The following SYNE2 variants were observed in gnomAD, a reference collection of about 807,000 sequenced individuals.
SYNE2 encodes spectrin repeat containing nuclear envelope protein 2.
Under a neutral mutation model 856.3 loss-of-function variants are expected in SYNE2, and 431 were observed. That is an observed-to-expected ratio of 0.50 (90% CI 0.47 to 0.55). SYNE2 has a LOEUF of 0.55. Ranked by LOEUF, SYNE2 falls within the 20% of genes least tolerant of loss-of-function variation. The pLI, the probability that SYNE2 is intolerant of heterozygous loss-of-function variation, is 0.00. For synonymous variants in SYNE2, 2,923 were observed against 2,872.3 expected, an observed-to-expected ratio of 1.02 and a Z score of -0.56; for missense variants, 8,129 against 8,023.2, an observed-to-expected ratio of 1.01 and a Z score of -0.50.
chr14:63,973,450 G>A (rs1337617473), intron 11 of SYNE2, among the ~76,000 whole-genome samples: 1 of 151,114 alleles, frequency 6.6e-6, no homozygotes, highest in Non-Finnish European at 1.5e-5. Context: ...TGGTCAACAT[G>A]GTGAAACCTC....
At chr14:64,007,452 C>T (rs991775753) in intron 31 of SYNE2, among the ~76,000 whole-genome samples, 7 of 152,214 alleles carry the variant, frequency 4.6e-5, no homozygotes, top group African/African-American at 1.4e-4. Context: ...ATACACAGTA[C>T]AGTCCGTTTA....
At chr14:63,825,394 A>G (rs1380941092) in intron 1 of SYNE2, among the ~76,000 whole-genome samples, 3 of 152,204 alleles carry the variant, frequency 2.0e-5, no homozygotes, top group African/African-American at 4.8e-5. Flanking sequence ...TGTGTTTACC[A>G]AGGTTGCAAG....
At chr14:64,096,064 C>T (rs1450570812) in intron 61 of SYNE2, among the ~76,000 whole-genome samples, 1 of 152,208 alleles carries the variant, frequency 6.6e-6, no homozygotes, top group African/African-American at 2.4e-5. Flanking sequence ...GAACAGCCCT[C>T]ACCAGACACC....
intron 1 of SYNE2, among the ~76,000 whole-genome samples, chr14:63,893,080 C>A (rs2095172242): frequency 6.6e-6 from 1 of 151,198 alleles, no homozygotes; most frequent in Admixed American, 6.6e-5. Flanking sequence ...TTTGGGGCAG[C>A]CAAAGTGAAA....
chr14:63,885,266 A>G (rs1449433466), intron 1 of SYNE2, among the ~76,000 whole-genome samples: 1 of 152,062 alleles, frequency 6.6e-6, no homozygotes, highest in Non-Finnish European at 1.5e-5. Context: ...CTGCTTTGCA[A>G]CTCAACTTTC....
chr14:63,960,659 C>T, intron 8 of SYNE2: 1 of 661,080 alleles, frequency 1.5e-6, no homozygotes, highest in South Asian at 1.6e-5. Context: ...AGAAACACCT[C>T]CAAATTAGGT....
intron 84 of SYNE2, among the ~76,000 whole-genome samples, chr14:64,150,889 G>A (rs545303233): frequency 6.6e-6 from 1 of 152,148 alleles, no homozygotes; most frequent in Non-Finnish European, 1.5e-5. Context: ...CATTGGCAAA[G>A]GCTATTTCAG....
At chr14:63,826,185 G>C (rs1889422837) in intron 1 of SYNE2, among the ~76,000 whole-genome samples, 1 of 152,134 alleles carries the variant, frequency 6.6e-6, no homozygotes, top group Admixed American at 6.6e-5. Context: ...TGTGGTATTG[G>C]CATAAAGGCA....
intron 100 of SYNE2, chr14:64,208,137 C>A: frequency 2.2e-6 from 1 of 456,048 alleles, no homozygotes; most frequent in Non-Finnish European, 4.4e-6. Flanking sequence ...CCAGAGACCC[C>A]ACCTCTCTCC....
rs1294104458 is a variant in SYNE2 at position 63,880,920 on chromosome 14, C to G, written c.-52+27777C>G. On this transcript the variant is annotated intron_variant, in intron 1 of 115. Coordinates refer to ENST00000555002, the MANE Select transcript of SYNE2 (RefSeq NM_182914.3). ...GGAGTGCAGTGGTGCGATGTCGGCT[C>G]ACTGCAACCTCTCTCTCCCGAGTTC... 2.0e-5 allele frequency among the ~76,000 whole-genome samples: 3 copies of G among 151,768 alleles called. No homozygotes were observed. In the South Asian group the frequency reaches 6.2e-4, roughly 32 times the overall value.
intron 107 of SYNE2, chr14:64,215,817 C>G (rs530155829): frequency 1.8e-5 from 11 of 608,952 alleles, no homozygotes; most frequent in South Asian, 6.8e-5. Context: ...CAGCTCTAAT[C>G]CTCATCCTTA....
intron 2 of SYNE2, among the ~76,000 whole-genome samples, chr14:63,923,781 A>C (rs1409188715): frequency 6.6e-6 from 1 of 152,074 alleles, no homozygotes; most frequent in Non-Finnish European, 1.5e-5. Flanking sequence ...AGAGTTGAGC[A>C]GTCATCACAT....
In SYNE2 at chr14:63,956,306, T is replaced by A. The variant is rs76650114; in HGVS notation, c.787+1391T>A. On this transcript the variant is annotated intron_variant, in intron 8 of 115. Coordinates refer to ENST00000555002, the MANE Select transcript of SYNE2 (RefSeq NM_182914.3). Reference sequence around the variant, plus strand: ...GACAGATAGCCTCAGGAGCATATAGTTAATAGTAAAATGTAATACAGTAAT... The same window carrying A: ...GACAGATAGCCTCAGGAGCATATAGATAATAGTAAAATGTAATACAGTAAT... The A allele has an allele frequency of 2.1e-3, 916 of 427,258 alleles. 8 individuals carry two copies. Among genetic ancestry groups the A allele is most frequent in the East Asian group, 0.014 (202 of 14,306 alleles). The allele number at this position is 427,258 out of a possible 1,614,324, so 26.5% of individuals were successfully genotyped here. A position where few individuals can be genotyped will look rare whatever the true frequency, so the allele number is the denominator to read the frequency against.
intron 71 of SYNE2, 36 bp from the exon 72 acceptor site, chr14:64,126,291 T>C: frequency 1.3e-6 from 2 of 1,588,544 alleles, no homozygotes; most frequent in Non-Finnish European, 1.7e-6. Flanking sequence ...GGCAAAGGTA[T>C]CTTAATTTTC....
chr14:63,800,680 A>C (rs1479897344), intron 1 of SYNE2, among the ~76,000 whole-genome samples: 1 of 152,236 alleles, frequency 6.6e-6, no homozygotes, highest in Non-Finnish European at 1.5e-5. Context: ...ATGGAGCTGG[A>C]GGCCATTATT....
At chr14:63,957,064 A>G (rs2153439766) in intron 8 of SYNE2, among the ~76,000 whole-genome samples, 1 of 151,908 alleles carries the variant, frequency 6.6e-6, no homozygotes, top group African/African-American at 2.4e-5. Flanking sequence ...TCTTTAACTT[A>G]GCAAAATGTC....
At position 64,174,979 on chromosome 14, in the gene SYNE2, C is replaced by A. The variant is rs763901608; in HGVS notation, c.17271C>A (p.Thr5757=). The A allele has an allele frequency of 2.5e-6, 4 of 1,614,028 alleles. No individual in the cohort carries two copies. The highest frequency in any genetic ancestry group is 3.4e-6 in the Non-Finnish European group (4 of 1,180,030). ...TTCATTTTCAAAGGAGGCGAACTAC[C>A]TGTGCCCTAACCTTGGAAGCTGGAG... ...KEIHFQRRRT[T]CALTLEAGEK... Residue 5757 remains threonine (T), a synonymous_variant, in exon 95 of 116, where the codon ACC becomes ACA. Transcript: ENST00000555002.
At chr14:63,949,257 T>A (rs1045631785) in intron 6 of SYNE2, among the ~76,000 whole-genome samples, 1 of 152,196 alleles carries the variant, frequency 6.6e-6, no homozygotes, top group Admixed American at 6.5e-5. Context: ...TCACTGGGTA[T>A]TGCCTTTACA....
intron 1 of SYNE2, among the ~76,000 whole-genome samples, chr14:63,835,884 G>T (rs1433418668): frequency 6.6e-6 from 1 of 151,690 alleles, no homozygotes; most frequent in Non-Finnish European, 1.5e-5. Context: ...TCAGGAGGCT[G>T]AGGCAGGAGA....
Sources: gnomAD v4.1 joint callset for allele counts (sites outside exome capture counted in the v4.1 genomes callset) on GRCh38, gnomAD v4.1.1 for gene constraint, MANE v1.5 for transcripts, NCBI Gene and HGNC (gene_info 2026-07-23, HGNC 2026-07-21) for gene names.